The following TF variants were observed in gnomAD, a reference collection of about 807,000 sequenced individuals.
TF encodes the protein serotransferrin.
Under a neutral mutation model 82.4 loss-of-function variants are expected in TF, and 55 were observed. The ratio of observed to expected loss-of-function variants is 0.67; its 90% CI spans 0.54 to 0.84. The LOEUF is 0.84. Among genes scored for constraint, TF ranks in the 40% least tolerant of loss-of-function variants. The pLI is 0.00. For synonymous variants in TF, 332 were observed against 332.6 expected (o/e 1.00, Z 0.02); for missense variants, 737 against 868.4 (o/e 0.85, Z 1.90).
At chr3:133,696,412 T>G in the TF span, among the ~76,000 whole-genome samples, 3 of 152,112 alleles carry the variant, frequency 2.0e-5, no homozygotes, top group Non-Finnish European at 4.4e-5. Context: ...TATATTAGGG[T>G]TTGGTACTAT....
the TF span, among the ~76,000 whole-genome samples, chr3:133,724,507 G>T: frequency 3.4e-4 from 52 of 152,146 alleles, no homozygotes; most frequent in African/African-American, 5.5e-4. Context: ...GGGTTGTTTG[G>T]TTTTTTCTTG....
intron 5 of TF, 23 bp downstream of exon 5, chr3:133,755,518 C>T (rs759543917): frequency 6.2e-7 from 1 of 1,613,694 alleles, no homozygotes; most frequent in East Asian, 2.2e-5. Context: ...TCTGCTGCTC[C>T]ATGGTGGCCA....
At chr3:133,767,720 T>TTCA (rs1437312697) in intron 12 of TF, among the ~76,000 whole-genome samples, 13 of 152,226 alleles carry the variant, frequency 8.5e-5, no homozygotes, top group Non-Finnish European at 1.5e-4. Context: ...ACCTTCAGTC[T>TTCA]TCATCTTTTT....
chr3:133,762,112 A>G, intron 9 of TF: 1 of 212,672 alleles, frequency 4.7e-6, no homozygotes, highest in Non-Finnish European at 1.0e-5. Context: ...GGTTGTTTAC[A>G]GATGATCGAT....
chr3:133,683,353 A>G, the TF span, among the ~76,000 whole-genome samples: 4 of 152,216 alleles, frequency 2.6e-5, no homozygotes, highest in South Asian at 4.1e-4. Flanking sequence ...ACACATAACA[A>G]TATGAACCTT....
At chr3:133,733,947 G>A in the TF span, among the ~76,000 whole-genome samples, 2 of 152,312 alleles carry the variant, frequency 1.3e-5, no homozygotes, top group African/African-American at 4.8e-5. Flanking sequence ...CTGAGACACT[G>A]GGGTGAAGCA....
rs547934275 is a variant in TF at position 133,757,834 on chromosome 3, G to A, written c.936G>A (p.Leu312=). 1.9e-6 allele frequency: 3 copies of A among 1,614,240 alleles called. No individual in the cohort carries two copies. The highest frequency in any genetic ancestry group is 2.5e-6 in the Non-Finnish European group (3 of 1,180,038). ...QLFSSPHGKD[L]LFKDSAHGFL... ...TCAGCTCTCCTCATGGGAAGGACCTGCTGTTTAAGGACTCTGCCCACGGGT... is the reference window on the plus strand; with the variant it reads ...TCAGCTCTCCTCATGGGAAGGACCTACTGTTTAAGGACTCTGCCCACGGGT... Residue 312 remains leucine, a synonymous_variant, in exon 8 of 17, where the codon CTG becomes CTA. Transcript: ENST00000402696.
upstream of TF, among the ~76,000 whole-genome samples, chr3:133,742,926 G>C (rs2107902563): frequency 6.6e-6 from 1 of 152,308 alleles, no homozygotes; most frequent in Non-Finnish European, 1.5e-5. Context: ...TGCCCTGTTT[G>C]CGGTGAAAGA....
intron 2 of TF, 78 bp downstream of exon 2, chr3:133,748,662 A>T: frequency 6.5e-7 from 1 of 1,547,530 alleles, no homozygotes; most frequent in Non-Finnish European, 8.8e-7. Context: ...ACAATTCTTT[A>T]CTCACAGGTA....
intron 11 of TF, among the ~76,000 whole-genome samples, chr3:133,765,221 C>G (rs1240635648): frequency 6.6e-6 from 1 of 152,220 alleles, no homozygotes; most frequent in African/African-American, 2.4e-5. Context: ...AAATCCAGGT[C>G]TTTCCCACTG....
chr3:133,734,792 GGA>G, the TF span, among the ~76,000 whole-genome samples: 1 of 107,852 alleles, frequency 9.3e-6, no homozygotes, highest in African/African-American at 3.5e-5. Flanking sequence ...AAACCCAAAT[GGA>G]GAGTTTCTTA....
chr3:133,744,664 G>A (rs759339040), upstream of TF, among the ~76,000 whole-genome samples: 6 of 152,128 alleles, frequency 3.9e-5, no homozygotes, highest in African/African-American at 4.8e-5. Flanking sequence ...ACTCTCCCTC[G>A]CTGGTGAGGC....
At chr3:133,722,613 A>T in the TF span, among the ~76,000 whole-genome samples, 1 of 152,070 alleles carries the variant, frequency 6.6e-6, no homozygotes. Flanking sequence ...CAGTCTTGTA[A>T]GTATAATAGA....
the TF span, among the ~76,000 whole-genome samples, chr3:133,698,519 G>A: frequency 1.1e-4 from 16 of 152,210 alleles, no homozygotes; most frequent in South Asian, 4.2e-4. Context: ...CACTGTCCTC[G>A]CTTCTGGTGG....
At chr3:133,711,908 C>G in the TF span, among the ~76,000 whole-genome samples, 6 of 152,106 alleles carry the variant, frequency 3.9e-5, no homozygotes, top group Admixed American at 3.9e-4. Context: ...ATGAGGCTCT[C>G]TGTGCCGTGC....
At chr3:133,772,302 C>T (rs1470735320) in intron 14 of TF, among the ~76,000 whole-genome samples, 1 of 152,096 alleles carries the variant, frequency 6.6e-6, no homozygotes. Flanking sequence ...GGCTCTTTGC[C>T]ACCCTTGATT....
chr3:133,712,812 G>A, the TF span: 2 of 152,688 alleles, frequency 1.3e-5, no homozygotes, highest in South Asian at 4.1e-4. Context: ...GGCAAGTAAT[G>A]TCTGTGCACC....
chr3:133,769,533 AC>A (rs1479116452), intron 13 of TF, among the ~76,000 whole-genome samples: 1 of 152,246 alleles, frequency 6.6e-6, no homozygotes. Context: ...AGTAAAATGT[AC>A]CAGACTGATA....
the TF span, among the ~76,000 whole-genome samples, chr3:133,704,996 C>G: frequency 1.3e-5 from 2 of 152,142 alleles, no homozygotes; most frequent in Admixed American, 1.3e-4. Context: ...AGTGATGGGT[C>G]GGGCGTGGTG....
Sources: allele counts gnomAD v4.1 joint callset (sites outside exome capture counted in the v4.1 genomes callset), GRCh38; gene constraint gnomAD v4.1.1; transcripts MANE v1.5; gene names NCBI Gene and HGNC (gene_info 2026-07-23, HGNC 2026-07-21).